Variants in PDE1C observed in about 807,000 individuals in gnomAD.
PDE1C encodes the protein phosphodiesterase 1C, also known as dual specificity calcium/calmodulin-dependent 3',5'-cyclic nucleotide phosphodiesterase 1C.
A neutral mutation model predicts 93.1 loss-of-function variants in PDE1C; 62 were observed. That is an observed-to-expected ratio of 0.67 (90% confidence interval 0.54 to 0.82). The LOEUF (loss-of-function observed/expected upper bound fraction) is 0.82, where lower values mean the gene tolerates loss of function less well. Among genes scored for constraint, PDE1C ranks in the 40% least tolerant of loss-of-function variants. The pLI, the probability that PDE1C is intolerant of heterozygous loss-of-function variation, is 0.00. For synonymous variants in PDE1C, 325 were observed against 310.1 expected, an observed-to-expected ratio of 1.05 and a Z score of -0.50; for missense variants, 742 against 884.6, an observed-to-expected ratio of 0.84 and a Z score of 2.04.
the PDE1C span, among the ~76,000 whole-genome samples, chr7:31,731,258 G>A: frequency 3.3e-5 from 5 of 152,082 alleles, no homozygotes; most frequent in African/African-American, 7.2e-5. Flanking sequence ...CGCAGGACCC[G>A]TGTAGGTGCC....
chr7:31,773,186 C>T (rs1410016781), intron 17 of PDE1C, among the ~76,000 whole-genome samples: 2 of 152,180 alleles, frequency 1.3e-5, no homozygotes, highest in Non-Finnish European at 2.9e-5. Context: ...CCCACTTCCA[C>T]CTCTGACCAT....
chr7:32,080,962 G>A (rs1365026608), intron 3 of PDE1C, among the ~76,000 whole-genome samples: 1 of 152,136 alleles, frequency 6.6e-6, no homozygotes, highest in Non-Finnish European at 1.5e-5. Flanking sequence ...ATATAAACTG[G>A]CTTCTATGAG....
At chr7:31,662,713 A>G in the PDE1C span, among the ~76,000 whole-genome samples, 3 of 152,220 alleles carry the variant, frequency 2.0e-5, no homozygotes, top group Non-Finnish European at 4.4e-5. Context: ...TCCAAGAATT[A>G]TCTTTGAATC....
intron 7 of PDE1C, among the ~76,000 whole-genome samples, chr7:31,863,440 C>T (rs1000175491): frequency 6.6e-6 from 1 of 152,038 alleles, no homozygotes; most frequent in Non-Finnish European, 1.5e-5. Context: ...CAGAAAAATG[C>T]CAAGTAGGAA....
intron 3 of PDE1C, among the ~76,000 whole-genome samples, chr7:32,120,699 C>T (rs867328047): frequency 1.1e-4 from 17 of 151,992 alleles, no homozygotes; most frequent in South Asian, 2.1e-4. Flanking sequence ...AACAAAAGTC[C>T]CCCCAAAAAA....
chr7:31,704,620 G>A, the PDE1C span, among the ~76,000 whole-genome samples: 5 of 152,166 alleles, frequency 3.3e-5, no homozygotes, highest in Non-Finnish European at 7.3e-5. Context: ...TGAAATATGC[G>A]GTAACAGAGG....
At chr7:32,040,601 T>G (rs1791691029) in intron 2 of PDE1C, among the ~76,000 whole-genome samples, 1 of 152,196 alleles carries the variant, frequency 6.6e-6, no homozygotes. Context: ...AGCCAGGCAT[T>G]CTGACACAAG....
At chr7:32,321,840 C>A (rs1783297348) in intron 1 of PDE1C, among the ~76,000 whole-genome samples, 1 of 152,172 alleles carries the variant, frequency 6.6e-6, no homozygotes, top group African/African-American at 2.4e-5. Context: ...CATTTCAAAC[C>A]CGATCAGTTG....
intron 2 of PDE1C, among the ~76,000 whole-genome samples, chr7:32,201,884 C>T (rs1487813979): frequency 6.6e-6 from 1 of 152,108 alleles, no homozygotes; most frequent in Non-Finnish European, 1.5e-5. Context: ...TTGACCAATG[C>T]CTTTGGTTAC....
intron 3 of PDE1C, among the ~76,000 whole-genome samples, chr7:32,084,678 A>G (rs1015866646): frequency 5.7e-4 from 84 of 148,486 alleles, no homozygotes; most frequent in African/African-American, 2.0e-3. Context: ...CAATCAAACT[A>G]GAACTCAGGA....
At chr7:32,129,719 GA>G (rs574341921) in intron 3 of PDE1C, among the ~76,000 whole-genome samples, 749 of 151,762 alleles carry the variant, frequency 4.9e-3, no homozygotes, top group African/African-American at 0.017. Flanking sequence ...ACATTAACTT[GA>G]AAAAACACAT....
chr7:31,774,031 T>C (rs1795671439), intron 17 of PDE1C, among the ~76,000 whole-genome samples: 1 of 152,194 alleles, frequency 6.6e-6, no homozygotes, highest in Non-Finnish European at 1.5e-5. Flanking sequence ...CTTGTTTGAC[T>C]TGGGTGAGGG....
At chr7:32,136,885 C>T (rs1800241052) in intron 3 of PDE1C, among the ~76,000 whole-genome samples, 2 of 152,172 alleles carry the variant, frequency 1.3e-5, no homozygotes, top group South Asian at 4.1e-4. Flanking sequence ...GGAGAGTTCA[C>T]TTGTTTAACT....
chr7:32,354,339 A>G (rs1423609125), intron 1 of PDE1C, among the ~76,000 whole-genome samples: 1 of 152,184 alleles, frequency 6.6e-6, no homozygotes, highest in East Asian at 1.9e-4. Context: ...TAACTTTAAA[A>G]GTTTGGGCCA....
At chr7:31,650,085 A>T in the PDE1C span, among the ~76,000 whole-genome samples, 1 of 152,336 alleles carries the variant, frequency 6.6e-6, no homozygotes, top group East Asian at 1.9e-4. Flanking sequence ...GCCCTCCTAG[A>T]GACCGGGGAC....
intron 3 of PDE1C, chr7:32,077,920 C>G (rs1260760095): frequency 1.0e-6 from 1 of 985,264 alleles, no homozygotes; most frequent in Middle Eastern, 5.2e-4. Context: ...GCCAGCTTCC[C>G]TCCGGCTGGT....
intron 2 of PDE1C, among the ~76,000 whole-genome samples, chr7:31,993,116 G>A (rs547261684): frequency 1.3e-5 from 2 of 152,246 alleles, no homozygotes; most frequent in South Asian, 2.1e-4. Context: ...ATCCCAACAT[G>A]TACTGTTAAG....
chr7:31,949,584 T>C (rs962809531), intron 2 of PDE1C, among the ~76,000 whole-genome samples: 10 of 152,354 alleles, frequency 6.6e-5, no homozygotes, highest in Admixed American at 2.0e-4. Flanking sequence ...TTTCATGTAA[T>C]AGTGTGTCTT....
At chr7:32,390,182 A>G (rs1208298864) in intron 1 of PDE1C, among the ~76,000 whole-genome samples, 2 of 152,212 alleles carry the variant, frequency 1.3e-5, no homozygotes, top group Non-Finnish European at 2.9e-5. Context: ...TATAGGCTAT[A>G]CACACATATA....
Sources: allele counts gnomAD v4.1 joint callset (sites outside exome capture counted in the v4.1 genomes callset), GRCh38; gene constraint gnomAD v4.1.1; transcripts MANE v1.5; gene names NCBI Gene and HGNC (gene_info 2026-07-23, HGNC 2026-07-21).